The following MEGF9 variants were observed in gnomAD, a reference collection of about 807,000 sequenced individuals.
The protein encoded by MEGF9 is multiple epidermal growth factor-like domains protein 9.
Under a neutral mutation model 46.8 loss-of-function variants are expected in MEGF9, and 6 were observed. That is an observed-to-expected ratio of 0.13 (90% CI 0.07 to 0.25). The LOEUF (loss-of-function observed/expected upper bound fraction) is 0.25, where lower values mean the gene tolerates loss of function less well. Ranked by LOEUF, MEGF9 falls within the 10% of genes least tolerant of loss-of-function variation. The pLI, the probability that MEGF9 is intolerant of heterozygous loss-of-function variation, is 1.00. For missense variants in MEGF9, 683 were observed against 792.4 expected, an observed-to-expected ratio of 0.86 and a Z score of 1.66; for synonymous variants, 302 against 330.7, an observed-to-expected ratio of 0.91 and a Z score of 0.94.
intron 3 of MEGF9, among the ~76,000 whole-genome samples, chr9:120,622,131 C>T (rs953790247): frequency 6.6e-6 from 1 of 152,196 alleles, no homozygotes; most frequent in Non-Finnish European, 1.5e-5. Flanking sequence ...AGCCTTCCAT[C>T]TTTTGCATAG....
intron 2 of MEGF9, among the ~76,000 whole-genome samples, chr9:120,631,783 C>T (rs2043551846): frequency 6.6e-6 from 1 of 152,106 alleles, no homozygotes; most frequent in South Asian, 2.1e-4. Flanking sequence ...CTGTGCCCGG[C>T]CCTGTATTTT....
intron 1 of MEGF9, among the ~76,000 whole-genome samples, chr9:120,664,439 C>T (rs527511399): frequency 6.6e-6 from 1 of 152,112 alleles, no homozygotes; most frequent in East Asian, 1.9e-4. Context: ...TAACCCTTTG[C>T]AGATAAAAAA....
intron 2 of MEGF9, among the ~76,000 whole-genome samples, chr9:120,624,856 G>C (rs918286850): frequency 7.4e-6 from 1 of 135,636 alleles, no homozygotes; most frequent in African/African-American, 2.8e-5. Context: ...TTGGGTGACA[G>C]AGTGAGACTC....
At chr9:120,652,181 CAAAA>C (rs869214058) in intron 2 of MEGF9, among the ~76,000 whole-genome samples, 15 of 9,094 alleles carry the variant, frequency 1.6e-3, no homozygotes, top group African/African-American at 5.6e-3. Context: ...CACACACACA[CAAAA>C]AAAAAAAAAA....
At chr9:120,653,459 C>T (rs924290289) in intron 2 of MEGF9, among the ~76,000 whole-genome samples, 3 of 151,734 alleles carry the variant, frequency 2.0e-5, no homozygotes, top group Admixed American at 2.0e-4. Context: ...GCAACTTCCA[C>T]CTCCCAGGTT....
intron 2 of MEGF9, among the ~76,000 whole-genome samples, chr9:120,640,728 G>A (rs1008138806): frequency 2.6e-5 from 4 of 151,238 alleles, no homozygotes; most frequent in South Asian, 2.1e-4. Flanking sequence ...GACTTTTATC[G>A]ACTTTTTTCA....
At chr9:120,614,182 C>A (rs534527285) in intron 3 of MEGF9, among the ~76,000 whole-genome samples, 1 of 152,224 alleles carries the variant, frequency 6.6e-6, no homozygotes, top group South Asian at 2.1e-4. Context: ...TGTCACCACG[C>A]CTGGCTAATT....
intron 1 of MEGF9, among the ~76,000 whole-genome samples, chr9:120,707,906 A>G (rs976102363): frequency 2.0e-5 from 3 of 152,126 alleles, no homozygotes; most frequent in East Asian, 1.9e-4. Flanking sequence ...TTAGCTGGGT[A>G]TGGTTGCGCA....
rs57268783 is a variant in MEGF9 at position 120,652,478 on chromosome 9, TAAAA to T, written c.803+6892_803+6895del. On this transcript the variant is annotated intron_variant, in intron 2 of 5. Transcript: ENST00000373930. ...TGGGTGACAGAGCGAGATCTTGTCT[TAAAA>T]AAAAAAAAAAAAAAAAAAAAACAGA... 8.4e-3 allele frequency among the ~76,000 whole-genome samples: 721 copies of T among 85,630 alleles called. 23 individuals are homozygous for T. Among genetic ancestry groups the T allele is most frequent in the Admixed American group, 0.064 (425 of 6,666 alleles). The allele number at this position is 85,630 out of a possible 152,430, so 56.2% of individuals were successfully genotyped here. A position where few individuals can be genotyped will look rare whatever the true frequency, so the allele number is the denominator to read the frequency against.
chr9:120,699,613 C>G (rs144924516), intron 1 of MEGF9, among the ~76,000 whole-genome samples: 90 of 150,070 alleles, frequency 6.0e-4, no homozygotes, highest in African/African-American at 2.1e-3. Flanking sequence ...GTCCCAACTA[C>G]TCAGGAGGCT....
intron 4 of MEGF9, among the ~76,000 whole-genome samples, chr9:120,609,063 C>CA (rs201122519): frequency 0.018 from 2,773 of 152,272 alleles, 79 homozygotes; most frequent in African/African-American, 0.063. Flanking sequence ...GAAATCTCTT[C>CA]AATGGTTCCC....
chr9:120,611,823 A>AAAG (rs2043446757), intron 4 of MEGF9, among the ~76,000 whole-genome samples: 14 of 132,656 alleles, frequency 1.1e-4, no homozygotes, highest in African/African-American at 4.6e-4. Flanking sequence ...AAAAGAAAAG[A>AAAG]AAAGAAAGAA....
chr9:120,649,841 TGAG>T lies in MEGF9; in HGVS notation c.803+9530_803+9532del, dbSNP rs538470960. ...CGCAGTTTCCAAGAACCTACGATGA[TGAG>T]GAGGACTTACTGTGTAGCAGCAACG... On this transcript the variant is annotated intron_variant, in intron 2 of 5. Transcript: ENST00000373930. Among the ~76,000 whole-genome samples the T allele has an allele frequency of 3.4e-3, 518 of 152,296 alleles. 4 individuals carry two copies. Among genetic ancestry groups the T allele is most frequent in the African/African-American group, 0.012 (492 of 41,556 alleles).
intron 1 of MEGF9, among the ~76,000 whole-genome samples, chr9:120,711,241 T>C (rs1393955580): frequency 6.6e-6 from 1 of 152,182 alleles, no homozygotes; most frequent in African/African-American, 2.4e-5. Context: ...TAAGTGTCCA[T>C]AAATAAGGGC....
chr9:120,646,959 T>C (rs1015393144), intron 2 of MEGF9, among the ~76,000 whole-genome samples: 3 of 152,108 alleles, frequency 2.0e-5, no homozygotes, highest in African/African-American at 4.8e-5. Context: ...TCTAATACTA[T>C]AAATAACAAA....
chr9:120,705,124 T>C (rs1249677542), intron 1 of MEGF9, among the ~76,000 whole-genome samples: 2 of 151,984 alleles, frequency 1.3e-5, no homozygotes, highest in East Asian at 3.9e-4. Context: ...TTTTCTCCAT[T>C]TTTTTTCAAA....
chr9:120,682,485 T>C (rs1347103057), intron 1 of MEGF9, among the ~76,000 whole-genome samples: 3 of 152,150 alleles, frequency 2.0e-5, no homozygotes. Flanking sequence ...TGTGCAGTGG[T>C]ATAACCTAGG....
chr9:120,683,843 AT>A (rs1273911613), intron 1 of MEGF9, among the ~76,000 whole-genome samples: 5 of 152,094 alleles, frequency 3.3e-5, no homozygotes, highest in African/African-American at 1.2e-4. Flanking sequence ...GCAGTGAGCC[AT>A]GATCATATCA....
intron 2 of MEGF9, among the ~76,000 whole-genome samples, chr9:120,648,596 T>G (rs2043635455): frequency 6.6e-6 from 1 of 152,236 alleles, no homozygotes; most frequent in South Asian, 2.1e-4. Flanking sequence ...TCCTTGAGAA[T>G]AGAGGTAATA....
Sources: allele counts gnomAD v4.1 joint callset (sites outside exome capture counted in the v4.1 genomes callset), GRCh38; gene constraint gnomAD v4.1.1; transcripts MANE v1.5; gene names NCBI Gene and HGNC (gene_info 2026-07-23, HGNC 2026-07-21).